ME3: variants seen among roughly 807,000 people sequenced by gnomAD.
ME3 encodes the protein malic enzyme 3.
A neutral mutation model predicts 68.9 loss-of-function variants in ME3; 48 were observed. The observed-to-expected ratio is 0.70, with a 90% CI of 0.55 to 0.89. The LOEUF (loss-of-function observed/expected upper bound fraction) is 0.89. ME3 is among the 40% of genes least tolerant of loss of function. The pLI, the probability that ME3 is intolerant of heterozygous loss-of-function variation, is 0.00. For missense variants in ME3, 675 were observed against 797.4 expected (o/e 0.85, Z 1.85); for synonymous variants, 320 against 318.8 (o/e 1.00, Z -0.04).
exon 2 of ME3, chr11:86,671,789 A>T (rs374887345): frequency 6.2e-7 from 1 of 1,603,534 alleles, no homozygotes; most frequent in Non-Finnish European, 8.5e-7. Context: ...TCCTGGTGAC[A>T]TCGTATCCGC....
At chr11:86,669,327 G>A (rs1288474519) in intron 2 of ME3, among the ~76,000 whole-genome samples, 1 of 152,212 alleles carries the variant, frequency 6.6e-6, no homozygotes, top group South Asian at 2.1e-4. Flanking sequence ...TCATGGAAAG[G>A]TCAGGTCCTT....
chr11:86,645,389 A>G (rs1172162282), intron 2 of ME3, among the ~76,000 whole-genome samples: 2 of 152,066 alleles, frequency 1.3e-5, no homozygotes, highest in East Asian at 3.9e-4. Context: ...AGGGGTGTCC[A>G]CCATTTCTGA....
intron 2 of ME3, among the ~76,000 whole-genome samples, chr11:86,636,714 TC>T (rs1349973888): frequency 1.3e-5 from 2 of 152,250 alleles, no homozygotes; most frequent in Non-Finnish European, 2.9e-5. Context: ...CTGTGTGTGA[TC>T]TTGAACAAGT....
chr11:86,664,176 C>T (rs1271135694), intron 2 of ME3, among the ~76,000 whole-genome samples: 1 of 152,028 alleles, frequency 6.6e-6, no homozygotes. Flanking sequence ...AAACTGTAAC[C>T]TAAAATTGAA....
At chr11:86,604,491 T>A (rs758031613) in intron 2 of ME3, among the ~76,000 whole-genome samples, 2 of 152,178 alleles carry the variant, frequency 1.3e-5, no homozygotes, top group Non-Finnish European at 2.9e-5. Flanking sequence ...TAACCATTGC[T>A]CCCTACATGT....
intron 8 of ME3, among the ~76,000 whole-genome samples, chr11:86,453,573 A>G (rs765918756): frequency 7.2e-5 from 11 of 152,248 alleles, no homozygotes; most frequent in Non-Finnish European, 1.6e-4. Flanking sequence ...ATTGCAAGGT[A>G]AAATGTAGGA....
At chr11:86,449,135 C>G (rs1164968358) in intron 10 of ME3, among the ~76,000 whole-genome samples, 1 of 152,182 alleles carries the variant, frequency 6.6e-6, no homozygotes, top group African/African-American at 2.4e-5. Flanking sequence ...GGTCAATGTC[C>G]TTATGTACTT....
rs957912182 is a variant in ME3 at position 86,622,798 on chromosome 11, T to C, written c.183+48964A>G. ...TCCTTTTATTTGGTGAGTTCATCCA[T>C]CAAGATTGTCTTCGAAGCTTTGTCT... On this transcript the variant is annotated intron_variant, in intron 2 of 14. Coordinates refer to ENST00000543262, the Ensembl canonical transcript of ME3. The C allele has an allele frequency of 2.6e-5, 4 of 152,028 alleles. No homozygotes were observed. In the East Asian group the frequency reaches 5.8e-4, roughly 22 times the overall value. 9.4% of individuals were successfully genotyped at this position (152,028 alleles called of 1,614,324 possible). A position where few individuals can be genotyped will look rare whatever the true frequency, so the allele number is the denominator to read the frequency against.
At chr11:86,446,568 G>A (rs1949311225) in intron 12 of ME3, 81 bp from the exon 13 acceptor site, 1 of 1,376,042 alleles carries the variant, frequency 7.3e-7, no homozygotes, top group South Asian at 1.3e-5. Context: ...TCTTCCAAAT[G>A]TTGGACCCTT....
intron 2 of ME3, among the ~76,000 whole-genome samples, chr11:86,618,299 CAAAAAAAAAAAAA>C (rs55824426): frequency 2.1e-4 from 12 of 55,944 alleles, no homozygotes; most frequent in East Asian, 2.1e-3. Flanking sequence ...GGCTCTGTCT[CAAAAAAAAAAAAA>C]AAAAAAAAAA....
At chr11:86,610,097 A>G (rs1942453275) in intron 2 of ME3, among the ~76,000 whole-genome samples, 1 of 152,210 alleles carries the variant, frequency 6.6e-6, no homozygotes, top group South Asian at 2.1e-4. Context: ...CCAAAAGGCT[A>G]TACTTTAAGA....
chr11:86,510,197 A>G (rs1224904319), intron 4 of ME3, among the ~76,000 whole-genome samples: 1 of 152,140 alleles, frequency 6.6e-6, no homozygotes, highest in Non-Finnish European at 1.5e-5. Context: ...TTGTCTCAAC[A>G]TCGTCCTACC....
intron 8 of ME3, among the ~76,000 whole-genome samples, chr11:86,453,863 C>T (rs529081716): frequency 4.6e-5 from 7 of 152,206 alleles, no homozygotes; most frequent in Non-Finnish European, 7.3e-5. Context: ...GTGACACCAA[C>T]GCCACTAACT....
chr11:86,499,275 G>A (rs1952564486), intron 5 of ME3, among the ~76,000 whole-genome samples: 1 of 152,166 alleles, frequency 6.6e-6, no homozygotes, highest in Admixed American at 6.5e-5. Context: ...TCAGGCAGGA[G>A]TCAGACTGTG....
intron 2 of ME3, among the ~76,000 whole-genome samples, chr11:86,637,967 TACACACACACACACAC>T (rs5793205): frequency 1.9e-4 from 27 of 145,054 alleles, no homozygotes; most frequent in African/African-American, 6.0e-4. Flanking sequence ...TGCTCATGCA[TACACACACACACACAC>T]ACACACACAC....
At chr11:86,567,463 C>T (rs1031021546) in intron 2 of ME3, among the ~76,000 whole-genome samples, 1 of 152,146 alleles carries the variant, frequency 6.6e-6, no homozygotes, top group African/African-American at 2.4e-5. Context: ...TTTAGGCAGG[C>T]GACTGTTCAC....
intron 4 of ME3, among the ~76,000 whole-genome samples, chr11:86,518,726 A>T (rs535513056): frequency 1.3e-5 from 2 of 152,310 alleles, no homozygotes; most frequent in South Asian, 4.1e-4. Flanking sequence ...ACAAATTCTA[A>T]TGTCGGGTGC....
chr11:86,503,377 C>A (rs995280255), intron 5 of ME3, among the ~76,000 whole-genome samples: 1 of 152,232 alleles, frequency 6.6e-6, no homozygotes, highest in Non-Finnish European at 1.5e-5. Flanking sequence ...CTGAAAAGAG[C>A]CACCTTGCCC....
At chr11:86,453,161 G>A (rs573408954) in intron 8 of ME3, among the ~76,000 whole-genome samples, 1 of 152,188 alleles carries the variant, frequency 6.6e-6, no homozygotes, top group South Asian at 2.1e-4. Context: ...ACCATGCCCA[G>A]CTAATTTTTT....
Sources: gnomAD v4.1 joint callset for allele counts (sites outside exome capture counted in the v4.1 genomes callset) on GRCh38, gnomAD v4.1.1 for gene constraint, MANE v1.5 for transcripts, NCBI Gene and HGNC (gene_info 2026-07-23, HGNC 2026-07-21) for gene names.